The following TMTC1 variants were observed in gnomAD, a reference collection of about 807,000 sequenced individuals.
The protein encoded by TMTC1 is transmembrane O-mannosyltransferase targeting cadherins 1.
In TMTC1, 73 loss-of-function variants were observed where a neutral mutation model predicts 104.8. The observed-to-expected ratio is 0.70, with a 90% CI of 0.58 to 0.85. The LOEUF is 0.85. TMTC1 is among the 40% of genes least tolerant of loss of function. TMTC1 has a pLI of 0.00. For missense variants in TMTC1, 1,035 were observed against 1,096.1 expected, an observed-to-expected ratio of 0.94 and a Z score of 0.79; for synonymous variants, 434 against 428.7, an observed-to-expected ratio of 1.01 and a Z score of -0.15.
intron 8 of TMTC1, among the ~76,000 whole-genome samples, chr12:29,578,916 A>T (rs1052729907): frequency 9.9e-5 from 15 of 152,234 alleles, no homozygotes; most frequent in African/African-American, 3.4e-4. Flanking sequence ...GATAGTACTT[A>T]TGGAATGCTT....
In TMTC1 at chr12:29,741,001, G is replaced by A. The variant is rs144054087; in HGVS notation, c.938+10665C>T. On this transcript the variant is annotated intron_variant, in intron 5 of 17. Transcript: ENST00000539277. Reference sequence around the variant, plus strand: ...ACAAACTTTTAAAAGTTTTGCTCTCGCAAGCAAATGATCCCTAAGACATTT... The same window carrying A: ...ACAAACTTTTAAAAGTTTTGCTCTCACAAGCAAATGATCCCTAAGACATTT... Among the ~76,000 whole-genome samples, 1,126 of 152,144 alleles carry A rather than the reference G, an allele frequency of 7.4e-3. 5 individuals are homozygous for A. The highest frequency in any genetic ancestry group is 0.012 in the Non-Finnish European group (831 of 67,996).
intron 6 of TMTC1, among the ~76,000 whole-genome samples, chr12:29,613,535 C>T (rs1472792169): frequency 1.3e-5 from 2 of 152,146 alleles, no homozygotes; most frequent in Non-Finnish European, 2.9e-5. Flanking sequence ...AGGTCAAGAA[C>T]TCTAACTTAA....
intron 17 of TMTC1, among the ~76,000 whole-genome samples, chr12:29,510,638 C>CT (rs1331456972): frequency 6.6e-6 from 1 of 152,128 alleles, no homozygotes; most frequent in South Asian, 2.1e-4. Context: ...CGTAGGTCAT[C>CT]TTTTTTGTGT....
chr12:29,511,823 T>C (rs1301615914), intron 17 of TMTC1, among the ~76,000 whole-genome samples: 6 of 152,242 alleles, frequency 3.9e-5, no homozygotes, highest in Non-Finnish European at 7.3e-5. Flanking sequence ...ATCTAATTTA[T>C]ACAGATTTAT....
At position 29,783,743 on chromosome 12, in the gene TMTC1, C is replaced by T; in HGVS notation, c.9G>A (p.Val3=). ...CGCCGCCGCCTCGGGCAGAGGTGGT[C>T]ACCACCATCGCGCCGCCGCCGCCGC... is the stretch of plus-strand genomic sequence containing the variant. MV[V]TTSARGGGGD... is the part of the protein sequence containing the mutation. The change falls in exon 1 of 18, where the codon GTG becomes GTA. Residue 3 remains valine, a synonymous_variant. Transcript: ENST00000539277. The surrounding 1 kb of genome is among the most constrained non-coding windows in gnomAD (Gnocchi z 4.7). 4.2e-6 allele frequency: 5 copies of T among 1,181,982 alleles called. No homozygotes were observed. Among genetic ancestry groups the T allele is most frequent in the Non-Finnish European group, 5.2e-6 (5 of 959,572 alleles). The allele number at this position is 1,181,982 out of a possible 1,614,324, so 73.2% of individuals were successfully genotyped here.
chr12:29,540,098 C>T (rs1346629825), intron 10 of TMTC1, among the ~76,000 whole-genome samples: 6 of 152,090 alleles, frequency 3.9e-5, no homozygotes, highest in Non-Finnish European at 5.9e-5. Context: ...TAGGAAAATG[C>T]TACCTAGAAG....
intron 10 of TMTC1, among the ~76,000 whole-genome samples, chr12:29,536,712 T>A (rs1944655186): frequency 6.6e-6 from 1 of 152,176 alleles, no homozygotes; most frequent in East Asian, 1.9e-4. Context: ...TGGGTCCCTG[T>A]AGTACTGGTC....
At chr12:29,524,376 T>C (rs930267613) in intron 11 of TMTC1, among the ~76,000 whole-genome samples, 3 of 152,208 alleles carry the variant, frequency 2.0e-5, no homozygotes, top group Non-Finnish European at 4.4e-5. Flanking sequence ...TAATAGTCAA[T>C]GCATTTATTT....
chr12:29,523,192 C>T (rs10843442), intron 11 of TMTC1, among the ~76,000 whole-genome samples: 10,626 of 152,194 alleles, frequency 0.07, 520 homozygotes, highest in African/African-American at 0.14. Context: ...AAAAGAAAAA[C>T]TTTAGACAAA....
At position 29,572,045 on chromosome 12, in the gene TMTC1, G is replaced by A. The variant is rs140156704; in HGVS notation, c.1532+60C>T. The A allele has an allele frequency of 5.2e-4, 706 of 1,353,186 alleles. 4 individuals carry two copies. The East Asian group carries it at 0.013, about 25-fold the overall frequency. The allele number at this position is 1,353,186 out of a possible 1,614,324, so 83.8% of individuals were successfully genotyped here. A position where few individuals can be genotyped will look rare whatever the true frequency, so the allele number is the denominator to read the frequency against. On this transcript the variant is annotated intron_variant, in intron 9 of 17. Coordinates refer to ENST00000539277, the MANE Select transcript of TMTC1 (RefSeq NM_001193451.2). ...CCTCTCCATATACTGGGAGGGCCAA[G>A]TGAAATAAACAACGGTCTTTAAAGC...
intron 5 of TMTC1, among the ~76,000 whole-genome samples, chr12:29,720,041 A>C (rs1942193619): frequency 6.6e-6 from 1 of 152,104 alleles, no homozygotes; most frequent in Non-Finnish European, 1.5e-5. Flanking sequence ...CATCTTGAGG[A>C]CTCAGTAACT....
At chr12:29,651,372 C>T (rs57138974) in intron 5 of TMTC1, among the ~76,000 whole-genome samples, 2,577 of 152,124 alleles carry the variant, frequency 0.017, 63 homozygotes, top group African/African-American at 0.058. Flanking sequence ...GTGGGTGGGG[C>T]TATTGATGGA....
chr12:29,638,746 C>CA (rs1402739844), intron 5 of TMTC1, among the ~76,000 whole-genome samples: 1 of 152,138 alleles, frequency 6.6e-6, no homozygotes, highest in Admixed American at 6.5e-5. Context: ...AGGGTTTGAG[C>CA]AGCAGGGCAC....
intron 5 of TMTC1, among the ~76,000 whole-genome samples, chr12:29,700,586 T>G (rs1276294182): frequency 6.6e-6 from 1 of 152,164 alleles, no homozygotes; most frequent in African/African-American, 2.4e-5. Context: ...GGTGATACCT[T>G]TCTGGAGAGA....
At chr12:29,618,179 A>G (rs912384054) in intron 6 of TMTC1, among the ~76,000 whole-genome samples, 8 of 152,290 alleles carry the variant, frequency 5.3e-5, no homozygotes, top group African/African-American at 1.9e-4. Flanking sequence ...AGAGAAAGAG[A>G]AAAAAGGAAA....
chr12:29,534,159 T>C (rs545860097), intron 11 of TMTC1: 20 of 152,352 alleles, frequency 1.3e-4, no homozygotes, highest in African/African-American at 4.3e-4. Context: ...TACCAAAAAA[T>C]GTTAAGCTAG....
intron 6 of TMTC1, among the ~76,000 whole-genome samples, chr12:29,617,463 A>G (rs781532901): frequency 4.6e-5 from 7 of 151,490 alleles, no homozygotes; most frequent in Non-Finnish European, 8.8e-5. Flanking sequence ...GCAATCAATC[A>G]CTCCCATCTC....
At chr12:29,752,053 G>A (rs924150980) in intron 4 of TMTC1, among the ~76,000 whole-genome samples, 181 bp from the exon 5 acceptor site, 1 of 151,920 alleles carries the variant, frequency 6.6e-6, no homozygotes, top group Non-Finnish European at 1.5e-5. Flanking sequence ...AATTATGAAT[G>A]TTTTTTCAAT....
At chr12:29,610,380 T>C (rs1350466484) in intron 6 of TMTC1, among the ~76,000 whole-genome samples, 1 of 152,176 alleles carries the variant, frequency 6.6e-6, no homozygotes, top group Non-Finnish European at 1.5e-5. Context: ...AAGACCAACA[T>C]CAATCTGAGA....
Sources: allele counts gnomAD v4.1 joint callset (sites outside exome capture counted in the v4.1 genomes callset), GRCh38; gene constraint gnomAD v4.1.1; non-coding constraint Gnocchi (gnomAD v3.1); transcripts MANE v1.5; gene names NCBI Gene and HGNC (gene_info 2026-07-23, HGNC 2026-07-21).